Variants in MCPH1 observed in about 807,000 individuals in gnomAD.
MCPH1 encodes microcephalin.
Under a neutral mutation model 84.5 loss-of-function variants are expected in MCPH1, and 104 were observed. That is an observed-to-expected ratio of 1.23 (90% CI 1.05 to 1.45). MCPH1 has a LOEUF of 1.45. MCPH1 is among the 40% of genes most tolerant of loss of function. The probability of loss-of-function intolerance (pLI) is 0.00; values close to 1 mark genes in which losing one functional copy is unlikely to be tolerated. For synonymous variants in MCPH1, 514 were observed against 366.8 expected, an observed-to-expected ratio of 1.40 and a Z score of -4.58; for missense variants, 1,498 against 1,005.7, an observed-to-expected ratio of 1.49 and a Z score of -6.62.
At chr8:6,436,446 A>G (rs1279364191) in intron 5 of MCPH1, among the ~76,000 whole-genome samples, 2 of 152,202 alleles carry the variant, frequency 1.3e-5, no homozygotes, top group Non-Finnish European at 2.9e-5. Flanking sequence ...ACTTTGGCTA[A>G]TAAGCATTAT....
rs555699837 is a variant in MCPH1, at chr8:6,477,695, T to C, written c.1973+64T>C. On this transcript the variant is annotated intron_variant, in intron 10 of 13. Coordinates refer to ENST00000344683, the MANE Select transcript of MCPH1 (RefSeq NM_024596.5). ...TAACCTTTTCTCTCTTATACTCTAA[T>C]TCTGGGTGCCTTTAGGCAACTTGTC... The C allele has an allele frequency of 5.0e-6, 7 of 1,400,298 alleles. No individual in the cohort carries two copies. The African/African-American group carries it at 7.1e-5, about 14-fold the overall frequency. The allele number at this position is 1,400,298 out of a possible 1,614,324, so 86.7% of individuals were successfully genotyped here. A position where few individuals can be genotyped will look rare whatever the true frequency, so the allele number is the denominator to read the frequency against.
chr8:6,422,544 T>A (rs1211897187), intron 3 of MCPH1, among the ~76,000 whole-genome samples: 1 of 152,164 alleles, frequency 6.6e-6, no homozygotes, highest in East Asian at 1.9e-4. Flanking sequence ...TAGGGATTCT[T>A]ACTCTGCTTT....
At chr8:6,483,607 G>C (rs1204026666) in intron 11 of MCPH1, among the ~76,000 whole-genome samples, 1 of 152,100 alleles carries the variant, frequency 6.6e-6, no homozygotes, top group Non-Finnish European at 1.5e-5. Context: ...ACACAATCAA[G>C]AAAAGGAACC....
intron 7 of MCPH1, among the ~76,000 whole-genome samples, chr8:6,442,707 C>T (rs1258228482): frequency 1.3e-5 from 2 of 152,198 alleles, no homozygotes; most frequent in East Asian, 3.8e-4. Flanking sequence ...GTCATATCTT[C>T]TTCGTACCAA....
chr8:6,474,184 G>C (rs75692067), intron 9 of MCPH1: 1 of 722,882 alleles, frequency 1.4e-6, no homozygotes, highest in East Asian at 2.5e-5. Context: ...CAGCTACTCT[G>C]TCTTCATCTA....
chr8:6,551,077 G>A (rs1243390300), intron 12 of MCPH1, among the ~76,000 whole-genome samples: 1 of 152,158 alleles, frequency 6.6e-6, no homozygotes, highest in Non-Finnish European at 1.5e-5. Flanking sequence ...GCTAGGTAAG[G>A]GATTTCCTTG....
intron 12 of MCPH1, among the ~76,000 whole-genome samples, chr8:6,532,074 C>T (rs1353181076): frequency 6.6e-6 from 1 of 152,094 alleles, no homozygotes; most frequent in African/African-American, 2.4e-5. Flanking sequence ...GGTTGGGATG[C>T]GTGGCATGAA....
intron 13 of MCPH1, among the ~76,000 whole-genome samples, chr8:6,636,807 C>CA (rs983416612): frequency 6.6e-6 from 1 of 151,984 alleles, no homozygotes; most frequent in Non-Finnish European, 1.5e-5. Context: ...CACCACCCCC[C>CA]AAAAAAAATC....
intron 3 of MCPH1, among the ~76,000 whole-genome samples, chr8:6,416,299 TCA>T (rs1299307227): frequency 3.3e-5 from 5 of 151,836 alleles, no homozygotes; most frequent in African/African-American, 1.2e-4. Context: ...TCATGTCATG[TCA>T]TGTCATGTCA....
intron 12 of MCPH1, chr8:6,508,835 C>A (rs771686299): frequency 6.6e-7 from 1 of 1,525,952 alleles, no homozygotes; most frequent in East Asian, 2.2e-5. Context: ...TTGTGGACAT[C>A]GTTACAAATC....
intron 12 of MCPH1, among the ~76,000 whole-genome samples, chr8:6,526,653 T>G (rs1818406837): frequency 6.6e-6 from 1 of 152,364 alleles, no homozygotes. Context: ...TAGTTCTTGA[T>G]TAACAGTAAA....
intron 12 of MCPH1, among the ~76,000 whole-genome samples, chr8:6,592,895 G>C (rs950407242): frequency 1.4e-5 from 2 of 147,498 alleles, no homozygotes; most frequent in South Asian, 2.1e-4. Context: ...TCAAACTCCT[G>C]AGCTCAAGTG....
chr8:6,578,517 A>G (rs2442588), intron 12 of MCPH1, among the ~76,000 whole-genome samples: 150,057 of 152,330 alleles, frequency 0.99, 73,941 homozygotes, highest in Middle Eastern at 1. Flanking sequence ...ATACTTGATC[A>G]TTTTCTAAAC....
At chr8:6,472,256 G>C (rs1417371023) in intron 9 of MCPH1, among the ~76,000 whole-genome samples, 4 of 152,174 alleles carry the variant, frequency 2.6e-5, no homozygotes, top group African/African-American at 9.7e-5. Flanking sequence ...GGTTATTTTA[G>C]AGGGGACATA....
At chr8:6,423,907 T>G (rs1381707937) in intron 3 of MCPH1, among the ~76,000 whole-genome samples, 1 of 152,240 alleles carries the variant, frequency 6.6e-6, no homozygotes, top group Non-Finnish European at 1.5e-5. Context: ...AGTTTTTATT[T>G]GCATTTCTCT....
At chr8:6,416,139 T>C (rs949283644) in intron 3 of MCPH1, among the ~76,000 whole-genome samples, 6 of 152,242 alleles carry the variant, frequency 3.9e-5, no homozygotes, top group African/African-American at 1.4e-4. Context: ...GTTGATCTTA[T>C]ACCCTGCAAA....
At chr8:6,457,920 G>C (rs1225096171) in intron 9 of MCPH1, among the ~76,000 whole-genome samples, 2 of 152,044 alleles carry the variant, frequency 1.3e-5, no homozygotes, top group East Asian at 3.9e-4. Context: ...ACTCACCTGG[G>C]GATCTGTAAG....
At chr8:6,433,919 G>C (rs2129554308) in intron 4 of MCPH1, among the ~76,000 whole-genome samples, 1 of 152,126 alleles carries the variant, frequency 6.6e-6, no homozygotes, top group South Asian at 2.1e-4. Flanking sequence ...TGTTCCTCAA[G>C]CATGCCAATC....
intron 8 of MCPH1, among the ~76,000 whole-genome samples, chr8:6,450,398 G>A (rs796175186): frequency 4.6e-5 from 7 of 151,658 alleles, no homozygotes; most frequent in African/African-American, 1.5e-4. Flanking sequence ...GCAAGTTTCT[G>A]CAAACTTGCA....
Sources: gnomAD v4.1 joint callset for allele counts (sites outside exome capture counted in the v4.1 genomes callset) on GRCh38, gnomAD v4.1.1 for gene constraint, MANE v1.5 for transcripts, NCBI Gene and HGNC (gene_info 2026-07-23, HGNC 2026-07-21) for gene names.